Variants in DAOA observed in about 807,000 individuals in gnomAD.
DAOA encodes the protein D-amino acid oxidase regulator.
A neutral mutation model predicts 16.4 loss-of-function variants in DAOA; 15 were observed. The observed-to-expected ratio is 0.91, with a 90% CI of 0.61 to 1.41. The LOEUF is 1.41. DAOA is among the 40% of genes most tolerant of loss of function. DAOA has a pLI of 0.00. For synonymous variants in DAOA, 75 were observed against 59.1 expected (o/e 1.27, Z -1.23); for missense variants, 230 against 176.8 (o/e 1.30, Z -1.71).
At chr13:105,482,319 A>G (rs1877798656) in intron 4 of DAOA, among the ~76,000 whole-genome samples, 1 of 151,818 alleles carries the variant, frequency 6.6e-6, no homozygotes, top group African/African-American at 2.4e-5. Flanking sequence ...ATTAGTCCAT[A>G]ATGTTACTTC....
At chr13:105,470,340 A>T (rs1876844937) in intron 3 of DAOA, among the ~76,000 whole-genome samples, 1 of 152,104 alleles carries the variant, frequency 6.6e-6, no homozygotes, top group Non-Finnish European at 1.5e-5. Context: ...CATGCTGGCA[A>T]CTTGTCTCAC....
chr13:105,484,491 T>G (rs554462826), intron 4 of DAOA, among the ~76,000 whole-genome samples: 1 of 152,284 alleles, frequency 6.6e-6, no homozygotes, highest in East Asian at 1.9e-4. Context: ...TCATTAATTT[T>G]TCCTTAGTGT....
In DAOA at chr13:105,490,069, C is replaced by CA; in HGVS notation, c.453dup (p.Ala152SerfsTer2). The CA allele has an allele frequency of 6.4e-7, 1 of 1,560,692 alleles. No homozygotes were observed. Among genetic ancestry groups the CA allele is most frequent in the Non-Finnish European group, 8.7e-7 (1 of 1,151,446 alleles). On this transcript the variant is annotated frameshift_variant, in exon 5 of 6. Coordinates refer to ENST00000375936, the MANE Select transcript of DAOA (RefSeq NM_172370.5). LOFTEE classifies it low-confidence loss of function (END_TRUNC). ...GCAACCACAAGGAAATAACTTCTAC[C>CA]AAAGCTGAATGAGTTTGGAAGCAGA...
At chr13:105,474,550 G>A (rs925952965) in intron 4 of DAOA, among the ~76,000 whole-genome samples, 19 of 152,030 alleles carry the variant, frequency 1.2e-4, no homozygotes, top group East Asian at 3.8e-4. Context: ...CTACAAATTC[G>A]TAATCAATTA....
At chr13:105,472,231 C>A (rs1877005853) in intron 3 of DAOA, among the ~76,000 whole-genome samples, 1 of 152,148 alleles carries the variant, frequency 6.6e-6, no homozygotes, top group South Asian at 2.1e-4. Flanking sequence ...GAATTAGGCA[C>A]CACAGTTAAT....
chr13:105,466,551 G>A (rs1876529455), intron 2 of DAOA: 2 of 671,866 alleles, frequency 3.0e-6, no homozygotes, highest in Non-Finnish European at 4.7e-6. Flanking sequence ...ATGAGGAGGA[G>A]ACATAGGCCC....
At chr13:105,467,329 C>G (rs997639049) in intron 3 of DAOA, among the ~76,000 whole-genome samples, 188 bp downstream of exon 3, 2 of 152,206 alleles carry the variant, frequency 1.3e-5, no homozygotes, top group South Asian at 4.1e-4. Flanking sequence ...AGCAACCATT[C>G]ACACTTACAG....
At chr13:105,485,095 A>G (rs919496980) in intron 4 of DAOA, among the ~76,000 whole-genome samples, 3 of 152,100 alleles carry the variant, frequency 2.0e-5, no homozygotes, top group Admixed American at 1.3e-4. Flanking sequence ...TTTAATGTTG[A>G]TGTCAAGGTT....
At chr13:105,466,553 C>T (rs1876529610) in intron 2 of DAOA, 6 of 657,454 alleles carry the variant, frequency 9.1e-6, no homozygotes, top group Admixed American at 3.3e-5. Flanking sequence ...GAGGAGGAGA[C>T]ATAGGCCCTC....
chr13:105,486,573 C>T (rs560879371), intron 4 of DAOA, among the ~76,000 whole-genome samples: 84 of 151,664 alleles, frequency 5.5e-4, no homozygotes, highest in Middle Eastern at 6.8e-3. Flanking sequence ...CATTCATGAA[C>T]GCTCTCAGTT....
At chr13:105,466,961 T>C in intron 2 of DAOA, 92 bp from the exon 3 acceptor site, 1 of 1,451,710 alleles carries the variant, frequency 6.9e-7, no homozygotes, top group Non-Finnish European at 9.1e-7. Context: ...AAACCATACA[T>C]GTTATATGCT....
chr13:105,466,494 A>G (rs951780216), intron 2 of DAOA, 162 bp downstream of exon 2: 14 of 1,180,924 alleles, frequency 1.2e-5, no homozygotes, highest in Non-Finnish European at 1.6e-5. Flanking sequence ...ACTTTCTCCC[A>G]TATTCTGTCA....
intron 3 of DAOA, 39 bp downstream of exon 3, chr13:105,467,180 C>G: frequency 6.5e-7 from 1 of 1,536,730 alleles, no homozygotes; most frequent in African/African-American, 1.4e-5. Flanking sequence ...TTAAATTCTT[C>G]TAGAAGTTAG....
chr13:105,490,216 T>A, intron 5 of DAOA, 24 bp downstream of exon 5: 1 of 1,059,314 alleles, frequency 9.4e-7, no homozygotes, highest in Non-Finnish European at 1.2e-6. Context: ...TAAAATTATA[T>A]TTTTATGAAT....
At chr13:105,479,986 T>C (rs1877600990) in intron 4 of DAOA, among the ~76,000 whole-genome samples, 1 of 152,190 alleles carries the variant, frequency 6.6e-6, no homozygotes, top group Admixed American at 6.5e-5. Flanking sequence ...TTTTCTCTGA[T>C]GTCTTCTTTA....
At chr13:105,479,394 C>T (rs943185749) in intron 4 of DAOA, among the ~76,000 whole-genome samples, 10 of 152,180 alleles carry the variant, frequency 6.6e-5, no homozygotes, top group Non-Finnish European at 1.2e-4. Context: ...ACATAATACA[C>T]TATTGCAAAC....
chr13:105,475,508 A>T (rs893262649), intron 4 of DAOA, among the ~76,000 whole-genome samples: 1 of 152,158 alleles, frequency 6.6e-6, no homozygotes, highest in African/African-American at 2.4e-5. Context: ...GTTACGTTTT[A>T]TGAGATCCTC....
At chr13:105,487,836 A>G (rs1437093282) in intron 4 of DAOA, among the ~76,000 whole-genome samples, 1 of 152,192 alleles carries the variant, frequency 6.6e-6, no homozygotes, top group Non-Finnish European at 1.5e-5. Context: ...CCTGATATTT[A>G]TTTCAACATT....
At chr13:105,488,639 T>C (rs1175163486) in intron 4 of DAOA, among the ~76,000 whole-genome samples, 2 of 152,176 alleles carry the variant, frequency 1.3e-5, no homozygotes, top group Non-Finnish European at 2.9e-5. Context: ...TTTGAAGAGA[T>C]TACTAGTGTG....
Sources: gnomAD v4.1 joint callset for allele counts (sites outside exome capture counted in the v4.1 genomes callset) on GRCh38, gnomAD v4.1.1 for gene constraint, MANE v1.5 for transcripts, NCBI Gene and HGNC (gene_info 2026-07-23, HGNC 2026-07-21) for gene names.